Variants in ZNF362 observed in about 807,000 individuals in gnomAD.
The protein encoded by ZNF362 is zinc finger protein 362, also known as rotund homolog.
A neutral mutation model predicts 42.9 loss-of-function variants in ZNF362; 11 were observed. The observed-to-expected ratio is 0.26, with a 90% CI of 0.16 to 0.42. The LOEUF is 0.42. ZNF362 is among the 20% of genes least tolerant of loss of function. The pLI is 1.00. For synonymous variants in ZNF362, 255 were observed against 257.3 expected, an observed-to-expected ratio of 0.99 and a Z score of 0.09; for missense variants, 362 against 576.2, an observed-to-expected ratio of 0.63 and a Z score of 3.81.
At chr1:33,186,096 T>C in the ZNF362 span, among the ~76,000 whole-genome samples, 925 of 152,304 alleles carry the variant, frequency 6.1e-3, 10 homozygotes, top group African/African-American at 0.021. Flanking sequence ...TTCAAATCAA[T>C]ACTTGAGGCA....
chr1:33,253,359 T>A (rs1000758802), upstream of ZNF362, among the ~76,000 whole-genome samples: 1 of 151,080 alleles, frequency 6.6e-6, no homozygotes, highest in Admixed American at 6.6e-5. Context: ...TGGAAGGTTC[T>A]GGAAGGCTTT....
At chr1:33,215,105 A>G in the ZNF362 span, among the ~76,000 whole-genome samples, 3 of 152,220 alleles carry the variant, frequency 2.0e-5, no homozygotes, top group East Asian at 1.9e-4. Context: ...AGTGTCCCCA[A>G]ATAGATGAAT....
At chr1:33,185,200 T>C in the ZNF362 span, among the ~76,000 whole-genome samples, 1 of 152,140 alleles carries the variant, frequency 6.6e-6, no homozygotes, top group Non-Finnish European at 1.5e-5. Flanking sequence ...GTATGTGGTT[T>C]TCTCTGGCTG....
chr1:33,278,959 T>C (rs894492028), intron 4 of ZNF362, among the ~76,000 whole-genome samples: 1 of 152,228 alleles, frequency 6.6e-6, no homozygotes, highest in Non-Finnish European at 1.5e-5. Flanking sequence ...TGGGAATATT[T>C]CTTTATTGTA....
the ZNF362 span, among the ~76,000 whole-genome samples, chr1:33,127,966 T>C: frequency 6.6e-6 from 1 of 152,184 alleles, no homozygotes; most frequent in Non-Finnish European, 1.5e-5. Context: ...CTGCCAGTTA[T>C]TAGCTGTGTA....
chr1:33,134,651 C>T, the ZNF362 span, among the ~76,000 whole-genome samples: 5 of 152,276 alleles, frequency 3.3e-5, no homozygotes, highest in African/African-American at 4.8e-5. Flanking sequence ...GACATGTTTA[C>T]GCAGGGAAGC....
the ZNF362 span, among the ~76,000 whole-genome samples, chr1:33,197,003 G>C: frequency 1.3e-5 from 2 of 152,156 alleles, no homozygotes; most frequent in Non-Finnish European, 2.9e-5. Context: ...CCATCCAATG[G>C]GCTGCCAGCT....
At chr1:33,230,368 C>A in the ZNF362 span, among the ~76,000 whole-genome samples, 6 of 152,136 alleles carry the variant, frequency 3.9e-5, no homozygotes, top group African/African-American at 1.4e-4. Context: ...AATCCTCATA[C>A]CCACCCTATG....
chr1:33,188,231 AAAACAAAC>A, the ZNF362 span, among the ~76,000 whole-genome samples: 8 of 151,890 alleles, frequency 5.3e-5, no homozygotes, highest in South Asian at 2.1e-4. Context: ...ACTTCATCTC[AAAACAAAC>A]AAACAAACAA....
the ZNF362 span, among the ~76,000 whole-genome samples, chr1:33,243,912 G>A: frequency 6.6e-6 from 1 of 151,962 alleles, no homozygotes; most frequent in Non-Finnish European, 1.5e-5. Flanking sequence ...GTGCCTGGCC[G>A]ACTTTTATGT....
At chr1:33,279,646 C>CTTTTTTTTTT (rs567406398) in intron 4 of ZNF362, among the ~76,000 whole-genome samples, 1 of 147,344 alleles carries the variant, frequency 6.8e-6, no homozygotes, top group Non-Finnish European at 1.5e-5. Flanking sequence ...AGTTAAGCCT[C>CTTTTTTTTTT]TTTTTTTTTT....
the ZNF362 span, among the ~76,000 whole-genome samples, chr1:33,206,172 T>C: frequency 6.6e-6 from 1 of 152,100 alleles, no homozygotes; most frequent in African/African-American, 2.4e-5. Flanking sequence ...TATAAAAATG[T>C]TTGACATCAT....
At chr1:33,156,395 A>T in the ZNF362 span, among the ~76,000 whole-genome samples, 1 of 152,150 alleles carries the variant, frequency 6.6e-6, no homozygotes, top group East Asian at 1.9e-4. Context: ...CCTGTTGCTA[A>T]ATCTGGAGAA....
chr1:33,137,986 T>G, the ZNF362 span, among the ~76,000 whole-genome samples: 24 of 152,146 alleles, frequency 1.6e-4, no homozygotes, highest in African/African-American at 5.6e-4. Context: ...AGGGGTGGGC[T>G]TCTACTTACT....
chr1:33,256,596 C>G lies in ZNF362; in HGVS notation c.-147C>G, dbSNP rs1645792756. The G allele has an allele frequency of 6.8e-6, 1 of 146,574 alleles. No individual in the cohort carries two copies. The highest frequency in any genetic ancestry group is 1.8e-4 in the South Asian group (1 of 5,556). 9.1% of individuals were successfully genotyped at this position (146,574 alleles called of 1,614,324 possible). On this transcript the variant is annotated 5_prime_UTR_variant, in exon 1 of 9. Coordinates refer to ENST00000539719, the MANE Select transcript of ZNF362 (RefSeq NM_152493.3). ...GTGCCGGAGCCCCAGCCCGGCCCTG[C>G]TCGGGCCGCCGGGCGCGGGGCTGCG... is the stretch of plus-strand genomic sequence containing the variant.
At chr1:33,128,912 G>GT in the ZNF362 span, among the ~76,000 whole-genome samples, 14 of 152,204 alleles carry the variant, frequency 9.2e-5, no homozygotes, top group Admixed American at 2.6e-4. Flanking sequence ...TAAGTGCTGT[G>GT]TTAGTGGAAA....
At chr1:33,282,841 A>G (rs919084950) in intron 6 of ZNF362, among the ~76,000 whole-genome samples, 4 of 151,744 alleles carry the variant, frequency 2.6e-5, no homozygotes, top group Non-Finnish European at 4.4e-5. Flanking sequence ...AAAAAAAAAA[A>G]AAGTTTGTGC....
chr1:33,274,112 C>T (rs1645924997), intron 2 of ZNF362, among the ~76,000 whole-genome samples: 1 of 152,134 alleles, frequency 6.6e-6, no homozygotes, highest in African/African-American at 2.4e-5. Flanking sequence ...AGCGGGTGCT[C>T]ACCTGTGGGG....
chr1:33,247,658 A>G, the ZNF362 span, among the ~76,000 whole-genome samples: 1 of 152,216 alleles, frequency 6.6e-6, no homozygotes, highest in Non-Finnish European at 1.5e-5. Context: ...CAGCCCTTTC[A>G]TTATGGCACT....
Sources: gnomAD v4.1 joint callset for allele counts (sites outside exome capture counted in the v4.1 genomes callset) on GRCh38, gnomAD v4.1.1 for gene constraint, MANE v1.5 for transcripts, NCBI Gene and HGNC (gene_info 2026-07-23, HGNC 2026-07-21) for gene names.